Variants in TTPA observed in about 807,000 individuals in gnomAD.
The protein encoded by TTPA is alpha-tocopherol transfer protein.
Under a neutral mutation model 25.9 loss-of-function variants are expected in TTPA, and 23 were observed. The observed-to-expected ratio is 0.89, with a 90% confidence interval of 0.64 to 1.26. TTPA has a LOEUF of 1.26. Ranked by LOEUF, TTPA falls within the 50% of genes most tolerant of loss-of-function variation. The pLI is 0.00. For synonymous variants in TTPA, 148 were observed against 137.3 expected (o/e 1.08, Z -0.54); for missense variants, 337 against 353.1 (o/e 0.95, Z 0.37).
chr8:63,080,185 A>C (rs1805637596), intron 1 of TTPA, among the ~76,000 whole-genome samples: 1 of 152,206 alleles, frequency 6.6e-6, no homozygotes, highest in Non-Finnish European at 1.5e-5. Context: ...GTAGAGGGAA[A>C]TTTATAGCAC....
chr8:63,085,721 C>T (rs566654615), intron 1 of TTPA, 97 bp downstream of exon 1: 1 of 1,451,160 alleles, frequency 6.9e-7, no homozygotes, highest in East Asian at 2.6e-5. Context: ...CTGCCTGCAC[C>T]CTGGGCTTCG....
chr8:63,081,028 A>AG (rs904001227), intron 1 of TTPA, among the ~76,000 whole-genome samples: 1 of 150,750 alleles, frequency 6.6e-6, no homozygotes, highest in Non-Finnish European at 1.5e-5. Context: ...AAAAAAAAAA[A>AG]CAGACCGATT....
At chr8:63,076,565 G>A (rs900917286) in intron 1 of TTPA, among the ~76,000 whole-genome samples, 9 of 152,062 alleles carry the variant, frequency 5.9e-5, no homozygotes, top group African/African-American at 2.2e-4. Flanking sequence ...TTCCTCAAGG[G>A]CATGGTACAA....
chr8:63,085,771 G>C (rs770318137), intron 1 of TTPA, 47 bp downstream of exon 1: 9 of 1,523,396 alleles, frequency 5.9e-6, no homozygotes. Flanking sequence ...CGGGGGACGG[G>C]GCGGGTGAGG....
intron 1 of TTPA, among the ~76,000 whole-genome samples, chr8:63,080,507 G>C (rs1185038731): frequency 6.6e-6 from 1 of 151,986 alleles, no homozygotes; most frequent in African/African-American, 2.4e-5. Flanking sequence ...GGATCACGAC[G>C]TCGGGAGATC....
chr8:63,072,036 G>T (rs1167375003), intron 2 of TTPA, among the ~76,000 whole-genome samples: 2 of 152,170 alleles, frequency 1.3e-5, no homozygotes, highest in African/African-American at 4.8e-5. Context: ...ACAGCTCCCA[G>T]AGGAGTTGCC....
rs1227526013 is a variant in TTPA, at chr8:63,085,968, C to G, written c.54G>C (p.Pro18=). 19 of 1,516,678 alleles carry G rather than the reference C, an allele frequency of 1.3e-5. No homozygotes were observed. Among genetic ancestry groups the G allele is most frequent in the Middle Eastern group, 2.3e-4 (1 of 4,296 alleles). 94.0% of individuals were successfully genotyped at this position (1,516,678 alleles called of 1,614,324 possible). ...PSAGPQLNAL[P]DHSPLLQPGL... is the part of the protein sequence containing the mutation. ...CCGGCTGCAGCAACGGAGAGTGGTC[C>G]GGTAGCGCGTTGAGCTGCGGCCCCG... is the stretch of plus-strand genomic sequence containing the variant. Residue 18 remains proline (P), a synonymous_variant, in exon 1 of 5, where the codon CCG becomes CCC. Transcript: ENST00000260116.
chr8:63,080,400 T>A (rs906142991), intron 1 of TTPA, among the ~76,000 whole-genome samples: 2 of 152,022 alleles, frequency 1.3e-5, no homozygotes, highest in Non-Finnish European at 2.9e-5. Flanking sequence ...TTTGAAACGA[T>A]CAACAAAATT....
chr8:63,065,961 A>C lies in TTPA; in HGVS notation c.495T>G (p.Phe165Leu). The C allele has an allele frequency of 6.2e-7, 1 of 1,614,098 alleles. No homozygotes were observed. The highest frequency in any genetic ancestry group is 8.5e-7 in the Non-Finnish European group (1 of 1,180,002). ...KAIFDLEGWQ[F>L]SHAFQITPSV... is the part of the protein sequence containing the mutation. ...ATGGAGTGATTTGAAAAGCATGAGA[A>C]AACTGCCAACCTTCCAGATCAAAGA... The change falls in exon 3 of 5, where the codon TTT becomes TTG. Residue 165 changes from phenylalanine to leucine, a missense_variant. Phe to Leu is a conservative substitution (Grantham distance 22, BLOSUM62 0). Transcript: ENST00000260116.
Position 63,061,234 on chromosome 8 carries a change from T to C in TTPA, c.*18A>G. 1 of 1,611,840 alleles carries C rather than the reference T, an allele frequency of 6.2e-7. No homozygotes were observed. ...TCATGTATTTTTAGTTAGGAAGCCA[T>C]TCACATGACATAACTTCTCATTGAA... is the stretch of plus-strand genomic sequence containing the variant. On this transcript the variant is annotated 3_prime_UTR_variant, in exon 5 of 5. Coordinates refer to ENST00000260116, the MANE Select transcript of TTPA (RefSeq NM_000370.3).
chr8:63,066,062 C>A lies in TTPA; in HGVS notation c.394G>T (p.Val132Leu). The A allele has an allele frequency of 1.2e-6, 2 of 1,610,124 alleles. No individual in the cohort carries two copies. Among genetic ancestry groups the A allele is most frequent in the Non-Finnish European group, 1.7e-6 (2 of 1,179,436 alleles). ...GATGTGATTAGACTTACTCGAAATA[C>A]GTCATAAGCTGTAAAAACTTTGGGG... is the stretch of plus-strand genomic sequence containing the variant. ...WDPKVFTAYD[V>L]FRVSLITSEL... Residue 132 changes from valine to leucine, a missense_variant, in exon 3 of 5, where the codon GTA becomes TTA. Coordinates refer to ENST00000260116, the MANE Select transcript of TTPA (RefSeq NM_000370.3).
At chr8:63,063,436 G>A (rs976127436) in intron 4 of TTPA, among the ~76,000 whole-genome samples, 3 of 152,028 alleles carry the variant, frequency 2.0e-5, no homozygotes, top group South Asian at 2.1e-4. Context: ...CTCAGTTACC[G>A]TGGTTCTCAG....
chr8:63,076,639 C>T (rs541522784), intron 1 of TTPA, among the ~76,000 whole-genome samples: 7 of 152,156 alleles, frequency 4.6e-5, no homozygotes, highest in African/African-American at 1.7e-4. Context: ...GGCTGATGGT[C>T]AATTTTATTT....
downstream of TTPA, among the ~76,000 whole-genome samples, chr8:63,058,593 T>C (rs1035842018): frequency 6.6e-6 from 1 of 152,208 alleles, no homozygotes; most frequent in African/African-American, 2.4e-5. Flanking sequence ...TGACCATTCA[T>C]TTCAATTTTC....
Position 63,060,824 on chromosome 8 carries a change from CAA to C in TTPA, c.*426_*427del. ...AATTTAATCTGACATCCACTTAAAA[CAA>C]GTGTTAATTTTTTTATCATTAGCTG... On this transcript the variant is annotated 3_prime_UTR_variant, in exon 5 of 5. Transcript: ENST00000260116. The C allele has an allele frequency of 6.1e-6, 1 of 164,504 alleles. No homozygotes were observed. The highest frequency in any genetic ancestry group is 1.3e-5 in the Non-Finnish European group (1 of 75,028). The allele number at this position is 164,504 out of a possible 1,614,324, so 10.2% of individuals were successfully genotyped here. A position where few individuals can be genotyped will look rare whatever the true frequency, so the allele number is the denominator to read the frequency against.
chr8:63,066,188 A>G, intron 2 of TTPA, 91 bp from the exon 3 acceptor site: 1 of 1,280,662 alleles, frequency 7.8e-7, no homozygotes, highest in Non-Finnish European at 1.1e-6. Context: ...TTCTTAAAAG[A>G]TCAGTTGAAA....
intron 2 of TTPA, among the ~76,000 whole-genome samples, chr8:63,067,278 C>G (rs537860674): frequency 1.3e-5 from 2 of 152,060 alleles, no homozygotes; most frequent in South Asian, 4.2e-4. Flanking sequence ...GAAGAATTCT[C>G]TCAAATTTGG....
At chr8:63,082,217 C>T (rs952770870) in intron 1 of TTPA, among the ~76,000 whole-genome samples, 1 of 152,166 alleles carries the variant, frequency 6.6e-6, no homozygotes, top group Non-Finnish European at 1.5e-5. Flanking sequence ...AAGCTGGAGG[C>T]ATCATGCTAC....
rs572691522 is a variant in TTPA, at chr8:63,074,308, A to G, written c.205-1220T>C. ...CTGAGTGGACCTGAAGAGAACCAGC[A>G]CTGGTACACGAGAGGGAGGACAGTG... On this transcript the variant is annotated intron_variant, in intron 1 of 4. Transcript: ENST00000260116. 3.9e-5 allele frequency among the ~76,000 whole-genome samples: 6 copies of G among 152,322 alleles called. No individual in the cohort carries two copies. In the South Asian group the frequency reaches 1.2e-3, roughly 32 times the overall value.
Sources: allele counts gnomAD v4.1 joint callset (sites outside exome capture counted in the v4.1 genomes callset), GRCh38; gene constraint gnomAD v4.1.1; transcripts MANE v1.5; gene names NCBI Gene and HGNC (gene_info 2026-07-23, HGNC 2026-07-21).